OXR1: variants seen among roughly 807,000 people sequenced by gnomAD.
OXR1 encodes the protein oxidation resistance protein 1.
Under a neutral mutation model 104.6 loss-of-function variants are expected in OXR1, and 41 were observed. The observed-to-expected ratio is 0.39, with a 90% CI of 0.31 to 0.51. The LOEUF is 0.51. OXR1 is among the 20% of genes least tolerant of loss of function. The pLI is 0.77. For missense variants in OXR1, 955 were observed against 1,031.9 expected (o/e 0.93, Z 1.02); for synonymous variants, 348 against 348.4 (o/e 1.00, Z 0.01).
intron 3 of OXR1, among the ~76,000 whole-genome samples, chr8:106,677,035 T>C (rs1188303900): frequency 1.3e-5 from 2 of 152,088 alleles, no homozygotes; most frequent in African/African-American, 2.4e-5. Context: ...TAATGAATTA[T>C]TGGGATATTA....
intron 2 of OXR1, among the ~76,000 whole-genome samples, chr8:106,463,181 G>C (rs909563588): frequency 6.6e-6 from 1 of 152,030 alleles, no homozygotes; most frequent in African/African-American, 2.4e-5. Context: ...AGAGAGGCTG[G>C]TTGTCAGCCT....
At chr8:106,277,424 G>GT (rs1812094853) in intron 1 of OXR1, among the ~76,000 whole-genome samples, 3 of 152,322 alleles carry the variant, frequency 2.0e-5, no homozygotes, top group Admixed American at 2.0e-4. Context: ...CTTTGTCCTT[G>GT]TACTCTGCTA....
intron 3 of OXR1, among the ~76,000 whole-genome samples, chr8:106,625,823 T>A (rs1394387092): frequency 6.6e-6 from 1 of 152,212 alleles, no homozygotes; most frequent in Non-Finnish European, 1.5e-5. Flanking sequence ...AGAAGTGAGC[T>A]ATAGTTACTT....
intron 2 of OXR1, among the ~76,000 whole-genome samples, chr8:106,367,562 A>C (rs1816528179): frequency 6.6e-6 from 1 of 152,120 alleles, no homozygotes; most frequent in Non-Finnish European, 1.5e-5. Flanking sequence ...TTATTCAACA[A>C]ATTTTTGAGC....
Position 106,331,565 on chromosome 8 carries a change from G to A in OXR1, c.-138-27911G>A, listed in dbSNP as rs185906108. Among the ~76,000 whole-genome samples the A allele has an allele frequency of 2.9e-3, 439 of 152,138 alleles. 1 individual carries two copies. The highest frequency in any genetic ancestry group is 4.3e-3 in the Admixed American group (65 of 15,262). On this transcript the variant is annotated intron_variant, in intron 1 of 16. Transcript: ENST00000517566. ...AATTATTTGTATTGAACTACAAAAGGAAATGTCGTAAATCCCATTCTGAAA... is the reference window on the plus strand; with the variant it reads ...AATTATTTGTATTGAACTACAAAAGAAAATGTCGTAAATCCCATTCTGAAA...
chr8:106,358,283 G>C (rs1816068346), intron 1 of OXR1, among the ~76,000 whole-genome samples: 1 of 152,128 alleles, frequency 6.6e-6, no homozygotes, highest in Non-Finnish European at 1.5e-5. Flanking sequence ...AGATTTATTT[G>C]TATGAAAGAA....
rs1816378813 is a variant in OXR1 at position 106,364,400 on chromosome 8, T to C, written c.23+4764T>C. Among the ~76,000 whole-genome samples, 3 of 152,246 alleles carry C rather than the reference T, an allele frequency of 2.0e-5. No homozygotes were observed. In the South Asian group the frequency reaches 6.2e-4, roughly 32 times the overall value. ...TTCAAGACCAGCCTGGCCAACATGG[T>C]GAAACCCCATCTCTACTAAAAATAC... is the stretch of plus-strand genomic sequence containing the variant. On this transcript the variant is annotated intron_variant, in intron 2 of 16. Transcript: ENST00000517566.
intron 3 of OXR1, among the ~76,000 whole-genome samples, chr8:106,629,134 A>G (rs1822446251): frequency 6.6e-6 from 1 of 152,200 alleles, no homozygotes; most frequent in Admixed American, 6.5e-5. Flanking sequence ...CAGATGAGGA[A>G]GAGACAAAGT....
intron 3 of OXR1, among the ~76,000 whole-genome samples, chr8:106,537,292 A>G (rs1167424614): frequency 6.6e-6 from 1 of 152,222 alleles, no homozygotes; most frequent in East Asian, 1.9e-4. Flanking sequence ...AGCTAGTAAG[A>G]CAAGGCCCCT....
At chr8:106,349,801 G>C (rs1437729038) in intron 1 of OXR1, among the ~76,000 whole-genome samples, 1 of 152,116 alleles carries the variant, frequency 6.6e-6, no homozygotes, top group Non-Finnish European at 1.5e-5. Flanking sequence ...GGAATAACAC[G>C]TCAACATCCT....
intron 3 of OXR1, among the ~76,000 whole-genome samples, chr8:106,544,812 T>C (rs1406667088): frequency 6.6e-6 from 1 of 151,444 alleles, no homozygotes; most frequent in African/African-American, 2.4e-5. Flanking sequence ...TTTGTGACTA[T>C]CCTATTATAA....
intron 3 of OXR1, among the ~76,000 whole-genome samples, chr8:106,642,366 A>T: frequency 6.6e-6 from 1 of 152,198 alleles, no homozygotes; most frequent in East Asian, 1.9e-4. Context: ...AGAGAAGTTT[A>T]TTCTTGTTTG....
chr8:106,736,199 T>C (rs1834360215), intron 11 of OXR1, among the ~76,000 whole-genome samples: 1 of 139,340 alleles, frequency 7.2e-6, no homozygotes, highest in Non-Finnish European at 1.5e-5. Context: ...CTAGAGAGAA[T>C]AACAGCTTCT....
At chr8:106,510,389 C>T (rs183144262) in intron 2 of OXR1, among the ~76,000 whole-genome samples, 1 of 152,198 alleles carries the variant, frequency 6.6e-6, no homozygotes. Context: ...ATAGAAAATG[C>T]TTCTCTCATA....
chr8:106,742,996 G>A (rs948474839), intron 15 of OXR1, among the ~76,000 whole-genome samples: 5 of 152,132 alleles, frequency 3.3e-5, no homozygotes, highest in Admixed American at 2.0e-4. Context: ...TATCATCAGA[G>A]TGAACAGACA....
chr8:106,276,235 G>T (rs576189258), intron 1 of OXR1, among the ~76,000 whole-genome samples: 28 of 152,342 alleles, frequency 1.8e-4, no homozygotes, highest in African/African-American at 6.5e-4. Context: ...CATGCATGTT[G>T]CTTGACCTTG....
chr8:106,540,337 A>C (rs1393287579), intron 3 of OXR1, among the ~76,000 whole-genome samples: 1 of 152,198 alleles, frequency 6.6e-6, no homozygotes, highest in Non-Finnish European at 1.5e-5. Context: ...ATTTAGCTTA[A>C]TGTTAAAAAG....
At chr8:106,597,292 AG>A (rs1819606079) in intron 3 of OXR1, among the ~76,000 whole-genome samples, 1 of 152,062 alleles carries the variant, frequency 6.6e-6, no homozygotes. Flanking sequence ...GGCTCAGGAG[AG>A]ACCCCGTCAC....
intron 3 of OXR1, among the ~76,000 whole-genome samples, chr8:106,578,989 T>TTTC (rs1443368995): frequency 1.0e-5 from 1 of 97,138 alleles, no homozygotes; most frequent in Non-Finnish European, 2.1e-5. Flanking sequence ...TTTTCTTTCT[T>TTTC]TTTTTTTTTT....
Sources: allele counts gnomAD v4.1 joint callset (sites outside exome capture counted in the v4.1 genomes callset), GRCh38; gene constraint gnomAD v4.1.1; transcripts MANE v1.5; gene names NCBI Gene and HGNC (gene_info 2026-07-23, HGNC 2026-07-21).